DST: variants seen among roughly 807,000 people sequenced by gnomAD.
The protein encoded by DST is bullous pemphigoid antigen.
DST carries 253 observed loss-of-function variants against 875.2 expected under a neutral mutation model. That is an observed-to-expected ratio of 0.29 (90% CI 0.26 to 0.32). The LOEUF (loss-of-function observed/expected upper bound fraction) is 0.32, where lower values mean the gene tolerates loss of function less well. Among genes scored for constraint, DST ranks in the 10% least tolerant of loss-of-function variants. The pLI is 1.00. For synonymous variants in DST, 3,124 were observed against 3,197.1 expected (o/e 0.98, Z 0.77); for missense variants, 8,287 against 9,111.6 (o/e 0.91, Z 3.68).
chr6:56,692,513 G>A, intron 9 of DST: 1 of 1,289,634 alleles, frequency 7.8e-7, no homozygotes, highest in African/African-American at 1.5e-5. Flanking sequence ...TGCTTTTCTT[G>A]AATACTGCTA....
intron 35 of DST, 85 bp from the exon 36 acceptor site, chr6:56,624,713 A>C (rs555798482): frequency 1.1e-6 from 1 of 881,554 alleles, no homozygotes; most frequent in South Asian, 1.4e-5. Context: ...AATTACATTA[A>C]CTAGGCCTTC....
chr6:56,881,873 T>C (rs1343077074), intron 3 of DST, among the ~76,000 whole-genome samples: 6 of 152,172 alleles, frequency 3.9e-5, no homozygotes, highest in African/African-American at 1.2e-4. Context: ...GTGGCTAATA[T>C]TCAATTTCAT....
intron 4 of DST, among the ~76,000 whole-genome samples, chr6:56,743,515 G>A (rs1313369992): frequency 2.0e-5 from 3 of 152,056 alleles, no homozygotes; most frequent in African/African-American, 7.3e-5. Flanking sequence ...TATCTTTAGA[G>A]CCCTTGCCTC....
rs1265589422 is a variant in DST, at chr6:56,476,668, A to G, written c.21676-331T>C. On this transcript the variant is annotated intron_variant, in intron 91 of 103. Transcript: ENST00000680361. ...CACAGAGTAGAAATGTAAAAAGCTA[A>G]GATACTGGCAGGGCGTGGTGGCTCA... is the stretch of plus-strand genomic sequence containing the variant. Among the ~76,000 whole-genome samples the G allele has an allele frequency of 2.6e-5, 4 of 152,216 alleles. No homozygotes were observed. The East Asian group carries it at 7.7e-4, about 29-fold the overall frequency.
chr6:56,930,075 A>C (rs987119277), intron 2 of DST, among the ~76,000 whole-genome samples: 1 of 152,230 alleles, frequency 6.6e-6, no homozygotes, highest in Admixed American at 6.5e-5. Flanking sequence ...TAATGGCACA[A>C]AGTGAGCTAG....
intron 74 of DST, among the ~76,000 whole-genome samples, chr6:56,509,439 C>T (rs755754964): frequency 5.9e-5 from 9 of 152,122 alleles, no homozygotes; most frequent in Admixed American, 2.0e-4. Flanking sequence ...TATAATGGCA[C>T]GCTTTGTATT....
rs1031033898 is a variant in DST, at chr6:56,651,307, A to G, written c.1215-63T>C. On this transcript the variant is annotated intron_variant, in intron 10 of 103. Coordinates refer to ENST00000680361, the MANE Select transcript of DST (RefSeq NM_001374736.1). The stretch of plus-strand genomic sequence containing the variant: ...TGTGCCAATTCAACATTATATAATT[A>G]TATAGGTTTCCATTTACATAACAAC... 6.1e-6 allele frequency: 6 copies of G among 987,092 alleles called. 1 individual carries two copies. The South Asian group carries it at 1.1e-4, about 18-fold the overall frequency. 61.1% of individuals were successfully genotyped at this position (987,092 alleles called of 1,614,324 possible).
intron 49 of DST, among the ~76,000 whole-genome samples, chr6:56,580,555 A>AAAATAAAT (rs3031091): frequency 0.014 from 2,031 of 146,596 alleles, 26 homozygotes; most frequent in African/African-American, 0.042. Context: ...CTACTTTCTT[A>AAAATAAAT]AAATAAATAA....
At chr6:56,672,179 G>A (rs963098133) in intron 9 of DST, among the ~76,000 whole-genome samples, 1 of 152,174 alleles carries the variant, frequency 6.6e-6, no homozygotes, top group Non-Finnish European at 1.5e-5. Context: ...GCCAATCCAG[G>A]GACCCGGGGC....
chr6:56,746,882 C>A (rs1563983541), intron 4 of DST, among the ~76,000 whole-genome samples: 3 of 152,052 alleles, frequency 2.0e-5, no homozygotes, highest in Non-Finnish European at 4.4e-5. Flanking sequence ...GGTCTGAAGG[C>A]AGAGTTAAGC....
intron 4 of DST, among the ~76,000 whole-genome samples, chr6:56,766,408 A>T (rs757421601): frequency 6.6e-6 from 1 of 152,192 alleles, no homozygotes; most frequent in Non-Finnish European, 1.5e-5. Flanking sequence ...GGGTAAAAGA[A>T]ATCTGGCTTT....
Position 56,603,823 on chromosome 6 carries a change from ATAGGT to A in DST, c.10791+9_10791+13del, listed in dbSNP as rs749687409. On this transcript the variant is annotated intron_variant, in intron 40 of 103. Coordinates refer to ENST00000680361, the MANE Select transcript of DST (RefSeq NM_001374736.1). ...ATGCAGCTTTTTCTGTATAAAATGT[ATAGGT>A]CAACTTACTTGTTCGGTTGAGCTAT... The A allele has an allele frequency of 2.5e-6, 4 of 1,602,586 alleles. No individual in the cohort carries two copies. Among genetic ancestry groups the A allele is most frequent in the Non-Finnish European group, 1.7e-6 (2 of 1,175,170 alleles).
chr6:56,618,291 T>C, intron 36 of DST: 1 of 1,614,100 alleles, frequency 6.2e-7, no homozygotes, highest in Non-Finnish European at 8.5e-7. Flanking sequence ...GGTTCTTGAG[T>C]CCATCTCAAC....
In DST at chr6:56,464,765, A is replaced by G; in HGVS notation, c.22688-9T>C. ...ACTCCCATGATGATGAACTAGAAAAAATGACACAGGATACCAATCACATTA... is the reference window on the plus strand; with the variant it reads ...ACTCCCATGATGATGAACTAGAAAAGATGACACAGGATACCAATCACATTA... On this transcript the variant is annotated splice_polypyrimidine_tract_variant and intron_variant, in intron 99 of 103. Transcript: ENST00000680361. 6.3e-7 allele frequency: 1 copy of G among 1,583,060 alleles called. No individual in the cohort carries two copies. Among genetic ancestry groups the G allele is most frequent in the Non-Finnish European group, 8.6e-7 (1 of 1,161,726 alleles).
intron 4 of DST, among the ~76,000 whole-genome samples, chr6:56,782,763 T>A (rs1407589810): frequency 1.3e-5 from 2 of 152,218 alleles, no homozygotes; most frequent in Non-Finnish European, 2.9e-5. Flanking sequence ...TGCCTTCTGT[T>A]AGCTTTTGAA....
chr6:56,755,354 G>A (rs2099599364), intron 4 of DST, among the ~76,000 whole-genome samples: 1 of 152,100 alleles, frequency 6.6e-6, no homozygotes, highest in African/African-American at 2.4e-5. Context: ...GTAGGTAGCA[G>A]TAGCAGAAAT....
At chr6:56,583,904 G>C (rs1360661643) in intron 49 of DST, among the ~76,000 whole-genome samples, 1 of 152,160 alleles carries the variant, frequency 6.6e-6, no homozygotes, top group Non-Finnish European at 1.5e-5. Flanking sequence ...GATAGTTGTA[G>C]ATACGCGGTG....
At chr6:56,821,814 C>T (rs534499696) in intron 4 of DST, among the ~76,000 whole-genome samples, 3 of 152,206 alleles carry the variant, frequency 2.0e-5, no homozygotes, top group African/African-American at 7.2e-5. Flanking sequence ...CCAGCTATGA[C>T]CCAACTTTAA....
At chr6:56,696,047 A>C (rs2099261877) in intron 9 of DST, among the ~76,000 whole-genome samples, 1 of 152,228 alleles carries the variant, frequency 6.6e-6, no homozygotes, top group Non-Finnish European at 1.5e-5. Flanking sequence ...TTCCATTCCA[A>C]ATAGATTTTG....
Sources: gnomAD v4.1 joint callset for allele counts (sites outside exome capture counted in the v4.1 genomes callset) on GRCh38, gnomAD v4.1.1 for gene constraint, MANE v1.5 for transcripts, NCBI Gene and HGNC (gene_info 2026-07-23, HGNC 2026-07-21) for gene names.